CSMD1: variants seen among roughly 807,000 people sequenced by gnomAD.
The protein encoded by CSMD1 is CUB and sushi domain-containing protein 1.
A neutral mutation model predicts 417.5 loss-of-function variants in CSMD1; 213 were observed. The observed-to-expected ratio is 0.51, with a 90% CI of 0.46 to 0.57. The LOEUF (loss-of-function observed/expected upper bound fraction) is 0.57. Among genes scored for constraint, CSMD1 ranks in the 20% least tolerant of loss-of-function variants. The pLI is 0.00. For synonymous variants in CSMD1, 2,862 were observed against 1,736.8 expected, an observed-to-expected ratio of 1.65 and a Z score of -16.11; for missense variants, 6,923 against 4,529.7, an observed-to-expected ratio of 1.53 and a Z score of -15.17.
At chr8:4,469,299 T>G (rs1800381148) in intron 2 of CSMD1, among the ~76,000 whole-genome samples, 1 of 152,198 alleles carries the variant, frequency 6.6e-6, no homozygotes. Context: ...TCAGTGGGAC[T>G]TTCTCATTCT....
At chr8:4,433,137 A>T (rs1289578916) in intron 2 of CSMD1, among the ~76,000 whole-genome samples, 1 of 152,224 alleles carries the variant, frequency 6.6e-6, no homozygotes, top group African/African-American at 2.4e-5. Flanking sequence ...AGTTGCAGAA[A>T]AACAAGCTCA....
At chr8:3,307,918 T>C (rs1378759155) in intron 24 of CSMD1, 97 bp from the exon 25 acceptor site, 2 of 1,310,440 alleles carry the variant, frequency 1.5e-6, no homozygotes, top group African/African-American at 1.5e-5. Flanking sequence ...GTCTGCATTA[T>C]ATACATAGAG....
chr8:2,989,779 T>A (rs541225087), intron 54 of CSMD1, among the ~76,000 whole-genome samples: 2 of 152,218 alleles, frequency 1.3e-5, no homozygotes, highest in Admixed American at 6.5e-5. Context: ...AAAAGCCCAC[T>A]CTTTTGAGTT....
intron 9 of CSMD1, among the ~76,000 whole-genome samples, chr8:3,579,583 C>G (rs1800295745): frequency 6.6e-6 from 1 of 152,098 alleles, no homozygotes; most frequent in African/African-American, 2.4e-5. Context: ...AATTTTACGT[C>G]CAGATTGTGA....
intron 3 of CSMD1, among the ~76,000 whole-genome samples, chr8:4,366,542 A>C (rs1255745803): frequency 6.6e-6 from 1 of 152,160 alleles, no homozygotes; most frequent in Non-Finnish European, 1.5e-5. Context: ...CATTCCACTC[A>C]CAGCATATAA....
chr8:4,388,177 C>T (rs765285704), intron 3 of CSMD1, among the ~76,000 whole-genome samples: 1 of 151,964 alleles, frequency 6.6e-6, no homozygotes, highest in African/African-American at 2.4e-5. Flanking sequence ...GGGCATCTAC[C>T]CAGAGGAAAA....
chr8:4,361,740 G>A (rs1021631445), intron 3 of CSMD1, among the ~76,000 whole-genome samples: 1 of 151,628 alleles, frequency 6.6e-6, no homozygotes, highest in East Asian at 1.9e-4. Context: ...CGGATCACGA[G>A]GTCAGGAGAT....
chr8:4,781,063 C>T (rs1162031706), intron 1 of CSMD1, among the ~76,000 whole-genome samples: 1 of 152,184 alleles, frequency 6.6e-6, no homozygotes, highest in Non-Finnish European at 1.5e-5. Flanking sequence ...ATTTTCCTTT[C>T]TGTGTCCCGC....
intron 1 of CSMD1, among the ~76,000 whole-genome samples, chr8:4,773,892 C>G (rs1378078076): frequency 6.6e-6 from 1 of 152,190 alleles, no homozygotes; most frequent in Admixed American, 6.5e-5. Context: ...AATACGCTTT[C>G]TAACACAAAA....
chr8:3,295,190 T>C (rs1803876506), intron 25 of CSMD1, among the ~76,000 whole-genome samples: 1 of 152,102 alleles, frequency 6.6e-6, no homozygotes, highest in Non-Finnish European at 1.5e-5. Flanking sequence ...AGTGGTGTGA[T>C]CTTGGCTCAC....
chr8:3,861,352 T>C (rs186006828), intron 5 of CSMD1, among the ~76,000 whole-genome samples: 36 of 152,326 alleles, frequency 2.4e-4, no homozygotes, highest in Non-Finnish European at 4.3e-4. Context: ...ACAACTCTGA[T>C]AAAAGTAAAA....
In CSMD1 at chr8:4,434,263, G is replaced by A. The variant is rs576225691; in HGVS notation, c.303-14198C>T. Among the ~76,000 whole-genome samples the A allele has an allele frequency of 5.9e-5, 9 of 152,312 alleles. No individual in the cohort carries two copies. The South Asian group carries it at 1.0e-3, about 18-fold the overall frequency. ...GTGTGGCTGTAAAAGCTACTCAGGAGGCTGAGGCAAGAGAATTGCTTGAAC... is the reference window on the plus strand; with the variant it reads ...GTGTGGCTGTAAAAGCTACTCAGGAAGCTGAGGCAAGAGAATTGCTTGAAC... On this transcript the variant is annotated intron_variant, in intron 2 of 69. Coordinates refer to ENST00000635120, the MANE Select transcript of CSMD1 (RefSeq NM_033225.6).
chr8:4,905,679 G>T (rs951790342), intron 1 of CSMD1, among the ~76,000 whole-genome samples: 1 of 151,692 alleles, frequency 6.6e-6, no homozygotes, highest in Non-Finnish European at 1.5e-5. Flanking sequence ...AATTAGCCGG[G>T]CGTGGTGGCG....
intron 3 of CSMD1, among the ~76,000 whole-genome samples, chr8:4,157,876 C>G (rs1012426769): frequency 6.6e-6 from 1 of 152,122 alleles, no homozygotes; most frequent in African/African-American, 2.4e-5. Context: ...TTGGTCCTAT[C>G]CTCCCCACAG....
At chr8:3,749,458 A>T (rs1438308267) in intron 6 of CSMD1, among the ~76,000 whole-genome samples, 1 of 152,220 alleles carries the variant, frequency 6.6e-6, no homozygotes, top group East Asian at 1.9e-4. Flanking sequence ...ATATAATTGG[A>T]GAGGTGAAAG....
chr8:4,768,878 C>T (rs1018315292), intron 1 of CSMD1, among the ~76,000 whole-genome samples: 1 of 152,132 alleles, frequency 6.6e-6, no homozygotes, highest in Non-Finnish European at 1.5e-5. Flanking sequence ...TCCACTTCTC[C>T]CCTTTTTCCT....
intron 3 of CSMD1, among the ~76,000 whole-genome samples, chr8:4,248,233 C>T (rs903749294): frequency 2.0e-5 from 3 of 152,102 alleles, no homozygotes; most frequent in Non-Finnish European, 4.4e-5. Context: ...AGACAGTTGG[C>T]AGGACTAGTC....
At chr8:4,249,491 T>C (rs1216118109) in intron 3 of CSMD1, among the ~76,000 whole-genome samples, 1 of 152,194 alleles carries the variant, frequency 6.6e-6, no homozygotes, top group East Asian at 1.9e-4. Flanking sequence ...ACATTTTATT[T>C]AATGCGGAAG....
chr8:4,676,265 T>A (rs1003845792), intron 1 of CSMD1, among the ~76,000 whole-genome samples: 7 of 152,068 alleles, frequency 4.6e-5, no homozygotes, highest in African/African-American at 1.7e-4. Context: ...TATGACACCC[T>A]CCCTCTATAT....
Sources: allele counts gnomAD v4.1 joint callset (sites outside exome capture counted in the v4.1 genomes callset), GRCh38; gene constraint gnomAD v4.1.1; transcripts MANE v1.5; gene names NCBI Gene and HGNC (gene_info 2026-07-23, HGNC 2026-07-21).